STXBP6: variants seen among roughly 807,000 people sequenced by gnomAD.
STXBP6 encodes the protein syntaxin binding protein 6.
Under a neutral mutation model 26.9 loss-of-function variants are expected in STXBP6, and 21 were observed. The ratio of observed to expected loss-of-function variants is 0.78; its 90% confidence interval spans 0.55 to 1.12. The LOEUF (loss-of-function observed/expected upper bound fraction) is 1.12. Among genes scored for constraint, STXBP6 ranks in the 50% most tolerant of loss-of-function variants. The pLI is 0.00. For missense variants in STXBP6, 232 were observed against 257.9 expected (o/e 0.90, Z 0.69); for synonymous variants, 97 against 92.6 (o/e 1.05, Z -0.27).
chr14:24,857,744 T>A (rs1250935156), intron 2 of STXBP6, among the ~76,000 whole-genome samples: 1 of 151,932 alleles, frequency 6.6e-6, no homozygotes, highest in African/African-American at 2.4e-5. Context: ...TGATTGAATC[T>A]GGTGTTCTGG....
At position 24,919,891 on chromosome 14, in the gene STXBP6, T is replaced by TA. The variant is rs1302787832; in HGVS notation, c.154+54773dup. On this transcript the variant is annotated intron_variant, in intron 2 of 5. Coordinates refer to ENST00000323944, the MANE Select transcript of STXBP6 (RefSeq NM_001394410.1). ...CTACACTTTGAAAGAAAGCTTATAA[T>TA]AAAGAGAGAAACAGCTACACAGAGA... Among the ~76,000 whole-genome samples, 8 of 152,068 alleles carry TA rather than the reference T, an allele frequency of 5.3e-5. 1 individual carries two copies. The South Asian group carries it at 1.7e-3, about 32-fold the overall frequency.
intron 1 of STXBP6, among the ~76,000 whole-genome samples, chr14:24,996,554 T>A (rs2074606937): frequency 6.7e-6 from 1 of 150,226 alleles, no homozygotes; most frequent in South Asian, 2.1e-4. Flanking sequence ...TTAAAAAAAA[T>A]AAAAAATTAA....
intron 4 of STXBP6, among the ~76,000 whole-genome samples, chr14:24,836,068 A>C (rs1327328884): frequency 6.6e-6 from 1 of 152,212 alleles, no homozygotes; most frequent in African/African-American, 2.4e-5. Flanking sequence ...GCTGCTCAAG[A>C]CAGCCAGTGG....
intron 2 of STXBP6, among the ~76,000 whole-genome samples, chr14:24,883,244 T>C (rs1185628121): frequency 6.6e-6 from 1 of 152,200 alleles, no homozygotes; most frequent in Non-Finnish European, 1.5e-5. Flanking sequence ...GAAATACTGC[T>C]AAAAGCATGT....
At chr14:24,946,208 T>C (rs2072984766) in intron 2 of STXBP6, among the ~76,000 whole-genome samples, 1 of 152,234 alleles carries the variant, frequency 6.6e-6, no homozygotes, top group Non-Finnish European at 1.5e-5. Flanking sequence ...ATTTTCTATA[T>C]TCTGGGCAGT....
chr14:24,832,696 A>T (rs1040699466), intron 4 of STXBP6, among the ~76,000 whole-genome samples: 6 of 152,310 alleles, frequency 3.9e-5, no homozygotes, highest in Admixed American at 2.6e-4. Flanking sequence ...ATTACTATCA[A>T]TTACATAGAG....
At chr14:24,945,139 A>ATTTTTTTTTTT (rs552562019) in intron 2 of STXBP6, among the ~76,000 whole-genome samples, 4,202 of 100,598 alleles carry the variant, frequency 0.042, 1,172 homozygotes, top group East Asian at 0.08. Context: ...CCAATTAGGA[A>ATTTTTTTTTTT]TTTTTTTTTT....
chr14:24,912,655 G>A (rs1217094967), intron 2 of STXBP6, among the ~76,000 whole-genome samples: 1 of 152,146 alleles, frequency 6.6e-6, no homozygotes, highest in Non-Finnish European at 1.5e-5. Flanking sequence ...AGGTACAAGT[G>A]AGTAAATGTG....
intron 2 of STXBP6, among the ~76,000 whole-genome samples, chr14:24,898,652 G>T (rs923956133): frequency 7.9e-5 from 12 of 152,000 alleles, no homozygotes; most frequent in African/African-American, 2.9e-4. Context: ...ACTCCAGACT[G>T]GGCAATAGAG....
chr14:24,864,493 A>C (rs1566423898), intron 2 of STXBP6, among the ~76,000 whole-genome samples: 1 of 152,118 alleles, frequency 6.6e-6, no homozygotes. Context: ...AGGGCCTGTG[A>C]CTATGCTCCT....
intron 2 of STXBP6, among the ~76,000 whole-genome samples, chr14:24,906,329 A>G (rs17257556): frequency 0.14 from 20,881 of 152,092 alleles, 1,521 homozygotes; most frequent in African/African-American, 0.18. Flanking sequence ...TAAAACTCAG[A>G]TAGGTGTATG....
intron 1 of STXBP6, among the ~76,000 whole-genome samples, chr14:25,023,715 G>A (rs919055374): frequency 3.3e-5 from 5 of 152,232 alleles, no homozygotes; most frequent in Non-Finnish European, 5.9e-5. Context: ...ACAATCACTT[G>A]AGCCAAGAAG....
rs1018222621 is a variant in STXBP6 at position 25,049,893 on chromosome 14, G to C, written c.-48C>G. 1 of 984,630 alleles carries C rather than the reference G, an allele frequency of 1.0e-6. No homozygotes were observed. The highest frequency in any genetic ancestry group is 1.7e-5 in the African/African-American group (1 of 57,296). The allele number at this position is 984,630 out of a possible 1,614,324, so 61.0% of individuals were successfully genotyped here. ...CCGGTCCTACCGTGCAGCCTGGCTCGCGCCCCTGCCGTGCCAGTGCGCGGC... is the reference window on the plus strand; with the variant it reads ...CCGGTCCTACCGTGCAGCCTGGCTCCCGCCCCTGCCGTGCCAGTGCGCGGC... On this transcript the variant is annotated 5_prime_UTR_variant, in exon 1 of 6. Transcript: ENST00000323944. This position sits in a 1 kb window ranked among gnomAD's most constrained non-coding sequence, Gnocchi z 5.6.
intron 2 of STXBP6, among the ~76,000 whole-genome samples, chr14:24,922,311 C>T (rs1217769122): frequency 6.6e-6 from 1 of 152,116 alleles, no homozygotes. Flanking sequence ...GGTGACTTCT[C>T]CAAAGCCACA....
chr14:24,974,863 G>C lies in STXBP6; in HGVS notation c.-32-13C>G. ...GCACGCAGTGAATCTTTTAAAGAAGGAAAAGAAAGGAAAGTTGGAATTGAC... is the reference window on the plus strand; with the variant it reads ...GCACGCAGTGAATCTTTTAAAGAAGCAAAAGAAAGGAAAGTTGGAATTGAC... On this transcript the variant is annotated splice_polypyrimidine_tract_variant and intron_variant, in intron 1 of 5. Coordinates refer to ENST00000323944, the MANE Select transcript of STXBP6 (RefSeq NM_001394410.1). The C allele has an allele frequency of 6.7e-7, 1 of 1,495,152 alleles. No homozygotes were observed. The highest frequency in any genetic ancestry group is 9.0e-7 in the Non-Finnish European group (1 of 1,111,258). The allele number at this position is 1,495,152 out of a possible 1,614,324, so 92.6% of individuals were successfully genotyped here. A position where few individuals can be genotyped will look rare whatever the true frequency, so the allele number is the denominator to read the frequency against.
intron 2 of STXBP6, among the ~76,000 whole-genome samples, chr14:24,973,156 T>C (rs1595224391): frequency 1.3e-5 from 2 of 152,060 alleles, no homozygotes; most frequent in East Asian, 3.9e-4. Context: ...ATTAACAAAA[T>C]TCTAGGAAAG....
At chr14:25,030,958 C>T (rs1177156225) in intron 1 of STXBP6, among the ~76,000 whole-genome samples, 1 of 151,892 alleles carries the variant, frequency 6.6e-6, no homozygotes, top group East Asian at 1.9e-4. Flanking sequence ...CAGAATACAC[C>T]TCTCATAAAA....
At chr14:24,824,853 A>G (rs2068236631) in intron 4 of STXBP6, among the ~76,000 whole-genome samples, 1 of 152,212 alleles carries the variant, frequency 6.6e-6, no homozygotes, top group East Asian at 1.9e-4. Flanking sequence ...TCAAAGGGAG[A>G]TATTCTTACC....
chr14:24,944,664 G>A (rs1361489663), intron 2 of STXBP6, among the ~76,000 whole-genome samples: 1 of 152,088 alleles, frequency 6.6e-6, no homozygotes, highest in Admixed American at 6.5e-5. Flanking sequence ...TCTTCGATCC[G>A]GGGCTCTCAT....
Sources: gnomAD v4.1 joint callset for allele counts (sites outside exome capture counted in the v4.1 genomes callset) on GRCh38, gnomAD v4.1.1 for gene constraint, Gnocchi (gnomAD v3.1) non-coding constraint, MANE v1.5 for transcripts, NCBI Gene and HGNC (gene_info 2026-07-23, HGNC 2026-07-21) for gene names.